Variants in KDM4B observed in about 807,000 individuals in gnomAD.
The protein encoded by KDM4B is lysine demethylase 4B.
Under a neutral mutation model 125.2 loss-of-function variants are expected in KDM4B, and 32 were observed. The ratio of observed to expected loss-of-function variants is 0.26; its 90% confidence interval spans 0.19 to 0.34. KDM4B has a LOEUF of 0.34. Among genes scored for constraint, KDM4B ranks in the 10% least tolerant of loss-of-function variants. The pLI, the probability that KDM4B is intolerant of heterozygous loss-of-function variation, is 1.00. For missense variants in KDM4B, 1,190 were observed against 1,577.7 expected, an observed-to-expected ratio of 0.75 and a Z score of 4.16; for synonymous variants, 721 against 677.9, an observed-to-expected ratio of 1.06 and a Z score of -0.99.
intron 11 of KDM4B, among the ~76,000 whole-genome samples, chr19:5,128,381 G>A (rs1056188013): frequency 2.0e-5 from 3 of 152,160 alleles, no homozygotes; most frequent in Middle Eastern, 6.3e-3. Flanking sequence ...CAGATCCCAC[G>A]CCAGCCCCTG....
At chr19:5,041,052 G>A (rs964493614) in intron 4 of KDM4B, 85 bp from the exon 5 acceptor site, 6 of 829,836 alleles carry the variant, frequency 7.2e-6, no homozygotes, top group African/African-American at 5.2e-5. Flanking sequence ...TCTTTCATGG[G>A]TGCCCTGGGT....
At chr19:5,030,786 G>T (rs2145608164) in intron 2 of KDM4B, among the ~76,000 whole-genome samples, 1 of 152,376 alleles carries the variant, frequency 6.6e-6, no homozygotes, top group Middle Eastern at 3.4e-3. Context: ...GTCATCATCT[G>T]TGATGCACAG....
chr19:5,011,640 C>T (rs144379610), intron 1 of KDM4B, among the ~76,000 whole-genome samples: 1,639 of 152,284 alleles, frequency 0.011, 13 homozygotes, highest in Non-Finnish European at 0.016. Flanking sequence ...CCTCGCCAGG[C>T]GTGCAGGTGA....
intron 9 of KDM4B, among the ~76,000 whole-genome samples, chr19:5,108,321 C>G (rs1359003828): frequency 6.6e-6 from 1 of 152,238 alleles, no homozygotes; most frequent in Non-Finnish European, 1.5e-5. Context: ...ACACCACCAG[C>G]CTTTCTCTCC....
intron 6 of KDM4B, among the ~76,000 whole-genome samples, chr19:5,053,822 C>T (rs895608898): frequency 6.6e-5 from 10 of 152,250 alleles, no homozygotes; most frequent in African/African-American, 1.4e-4. Context: ...CCAGCCACTA[C>T]CCCCCAGCAG....
chr19:4,969,927 C>T (rs1388732078), intron 1 of KDM4B, among the ~76,000 whole-genome samples: 1 of 152,174 alleles, frequency 6.6e-6, no homozygotes, highest in East Asian at 1.9e-4. Flanking sequence ...CAACGGCAGC[C>T]TCCACGAGTC....
intron 11 of KDM4B, among the ~76,000 whole-genome samples, chr19:5,126,304 A>G (rs9807917): frequency 0.017 from 2,543 of 151,942 alleles, 74 homozygotes; most frequent in African/African-American, 0.056. Flanking sequence ...CGGCCGCCCT[A>G]TTGCCCAGCG....
rs374304778 is a variant in KDM4B at position 5,082,543 on chromosome 19, G to A, written c.918+39G>A. The A allele has an allele frequency of 1.5e-5, 23 of 1,536,428 alleles. No homozygotes were observed. Among genetic ancestry groups the A allele is most frequent in the East Asian group, 6.8e-5 (3 of 43,844 alleles). ...TGCTGGGAACGGGTCCCAGCAGGGC[G>A]GGAGGAGGCTCTTTTTTGCCTCTGC... On this transcript the variant is annotated intron_variant, in intron 9 of 22. Transcript: ENST00000159111. The surrounding 1 kb of genome is among the most constrained non-coding windows in gnomAD (Gnocchi z 5.4).
intron 14 of KDM4B, among the ~76,000 whole-genome samples, chr19:5,134,501 G>A (rs2039613921): frequency 6.6e-6 from 1 of 152,178 alleles, no homozygotes; most frequent in Non-Finnish European, 1.5e-5. Flanking sequence ...TTTCCATGCT[G>A]GCCTCGCCTG....
chr19:5,018,377 T>C (rs2035957979), intron 2 of KDM4B, among the ~76,000 whole-genome samples: 1 of 152,174 alleles, frequency 6.6e-6, no homozygotes, highest in South Asian at 2.1e-4. Context: ...CTGAAGGTGC[T>C]GAGTGCAGCA....
intron 9 of KDM4B, 36 bp from the exon 10 acceptor site, chr19:5,110,586 G>T: frequency 6.2e-7 from 1 of 1,609,168 alleles, no homozygotes; most frequent in Non-Finnish European, 8.5e-7. Flanking sequence ...CCGTCCAGGT[G>T]TGGCGCGAGG....
At chr19:5,037,509 C>T (rs957660006) in intron 3 of KDM4B, among the ~76,000 whole-genome samples, 1 of 152,230 alleles carries the variant, frequency 6.6e-6, no homozygotes, top group African/African-American at 2.4e-5. Flanking sequence ...GGGACAGGTG[C>T]CCCAGGCGCC....
At chr19:5,087,199 G>T (rs918927695) in intron 9 of KDM4B, among the ~76,000 whole-genome samples, 1 of 152,266 alleles carries the variant, frequency 6.6e-6, no homozygotes, top group Non-Finnish European at 1.5e-5. Context: ...TGTCAAGGAG[G>T]GGGTGGGATT....
intron 8 of KDM4B, among the ~76,000 whole-genome samples, chr19:5,079,670 G>A (rs1181609958): frequency 6.6e-6 from 1 of 152,220 alleles, no homozygotes; most frequent in African/African-American, 2.4e-5. Flanking sequence ...TCAGGGAAAA[G>A]CCTTTCCGAA....
chr19:5,085,468 C>T (rs180968944), intron 9 of KDM4B, among the ~76,000 whole-genome samples: 11 of 152,300 alleles, frequency 7.2e-5, no homozygotes, highest in South Asian at 2.1e-4. Context: ...GAAACTGCAG[C>T]GGGGCGGTGG....
intron 1 of KDM4B, among the ~76,000 whole-genome samples, chr19:5,014,051 G>A (rs1328332905): frequency 1.3e-5 from 2 of 152,250 alleles, no homozygotes; most frequent in Admixed American, 6.5e-5. Context: ...TATGGAAGTC[G>A]GGTGAATGAG....
chr19:5,011,922 C>T (rs1292549227), intron 1 of KDM4B, among the ~76,000 whole-genome samples: 1 of 152,238 alleles, frequency 6.6e-6, no homozygotes, highest in Non-Finnish European at 1.5e-5. Context: ...TTCCGCCCCA[C>T]CCGCGGGTCT....
chr19:5,146,934 G>C (rs1335373084), intron 21 of KDM4B, among the ~76,000 whole-genome samples: 3 of 86,186 alleles, frequency 3.5e-5, no homozygotes, highest in Non-Finnish European at 6.2e-5. Flanking sequence ...CTGAGACCCT[G>C]TCTCCAAAAA....
chr19:5,113,233 G>C (rs941791176), intron 10 of KDM4B: 1 of 152,128 alleles, frequency 6.6e-6, no homozygotes, highest in African/African-American at 2.4e-5. Flanking sequence ...GCCATCCTGG[G>C]GGCTGCCTTC....
Sources: gnomAD v4.1 joint callset for allele counts (sites outside exome capture counted in the v4.1 genomes callset) on GRCh38, gnomAD v4.1.1 for gene constraint, Gnocchi (gnomAD v3.1) non-coding constraint, MANE v1.5 for transcripts, NCBI Gene and HGNC (gene_info 2026-07-23, HGNC 2026-07-21) for gene names.